YME1L1: variants seen among roughly 807,000 people sequenced by gnomAD.
YME1L1 encodes the protein YME1 like 1 ATPase, also known as ATP-dependent zinc metalloprotease YME1L1.
In YME1L1, 39 loss-of-function variants were observed where a neutral mutation model predicts 90.4. The observed-to-expected ratio is 0.43, with a 90% CI of 0.33 to 0.56. The LOEUF is 0.56. Among genes scored for constraint, YME1L1 ranks in the 20% least tolerant of loss-of-function variants. The pLI, the probability that YME1L1 is intolerant of heterozygous loss-of-function variation, is 0.03. For synonymous variants in YME1L1, 284 were observed against 287.3 expected, an observed-to-expected ratio of 0.99 and a Z score of 0.12; for missense variants, 617 against 868.4, an observed-to-expected ratio of 0.71 and a Z score of 3.64.
In YME1L1 at chr10:27,114,462, C is replaced by T. The variant is rs370926632; in HGVS notation, c.2007+59G>A. 1.2e-4 allele frequency: 163 copies of T among 1,389,780 alleles called. No individual in the cohort carries two copies. The South Asian group carries it at 1.9e-3, about 17-fold the overall frequency. 86.1% of individuals were successfully genotyped at this position (1,389,780 alleles called of 1,614,324 possible). A position where few individuals can be genotyped will look rare whatever the true frequency, so the allele number is the denominator to read the frequency against. The stretch of plus-strand genomic sequence containing the variant: ...GCCTTCAGCTGTTATTTTTTAAGAA[C>T]CTGACTATTTAAGCACATTGTTCCT... On this transcript the variant is annotated intron_variant, in intron 18 of 18. Transcript: ENST00000376016.
intron 8 of YME1L1, among the ~76,000 whole-genome samples, chr10:27,131,347 G>T (rs1481273238): frequency 7.0e-6 from 1 of 143,800 alleles, no homozygotes; most frequent in Non-Finnish European, 1.5e-5. Context: ...CTAAAATAGG[G>T]CCTAGCACTT....
intron 6 of YME1L1, 78 bp downstream of exon 6, chr10:27,134,753 T>C (rs1393526126): frequency 6.9e-7 from 1 of 1,458,184 alleles, no homozygotes; most frequent in Non-Finnish European, 9.4e-7. Context: ...TTAGAAAAGT[T>C]ACTTAAAACT....
chr10:27,118,048 G>C (rs76594983), intron 14 of YME1L1, among the ~76,000 whole-genome samples: 314 of 152,328 alleles, frequency 2.1e-3, no homozygotes, highest in Non-Finnish European at 3.7e-3. Context: ...GAGCATCCCT[G>C]AATTTTGGTA....
intron 4 of YME1L1, among the ~76,000 whole-genome samples, chr10:27,140,316 TA>T (rs1389028390): frequency 2.0e-5 from 3 of 152,106 alleles, no homozygotes; most frequent in Admixed American, 2.0e-4. Flanking sequence ...GATTTCTCAG[TA>T]AATTATATAA....
chr10:27,136,889 C>T (rs1298369278), intron 4 of YME1L1, among the ~76,000 whole-genome samples: 1 of 151,966 alleles, frequency 6.6e-6, no homozygotes, highest in African/African-American at 2.4e-5. Context: ...TCCCACAGTG[C>T]TGGGATTATA....
chr10:27,126,626 T>C (rs1360644330), intron 9 of YME1L1, 70 bp downstream of exon 9: 6 of 793,106 alleles, frequency 7.6e-6, no homozygotes, highest in South Asian at 2.0e-5. Flanking sequence ...ATAAGTAATA[T>C]AGGTTTTTTT....
chr10:27,112,870 T>G (rs911243571), intron 18 of YME1L1, among the ~76,000 whole-genome samples: 2 of 152,068 alleles, frequency 1.3e-5, no homozygotes, highest in Admixed American at 1.3e-4. Context: ...AGCTAATTTT[T>G]CTATGTTTTG....
chr10:27,120,564 A>G lies in YME1L1; in HGVS notation c.1299-17T>C. The G allele has an allele frequency of 6.3e-7, 1 of 1,586,910 alleles. No homozygotes were observed. The highest frequency in any genetic ancestry group is 8.6e-7 in the Non-Finnish European group (1 of 1,160,564). On this transcript the variant is annotated splice_polypyrimidine_tract_variant and intron_variant, in intron 12 of 18. Transcript: ENST00000376016. The stretch of plus-strand genomic sequence containing the variant: ...ATTAAGGCACTACAGGAAGAATGCA[A>G]AAGGAAAATATAAATTAAAACTATT...
Position 27,117,718 on chromosome 10 carries a change from C to T in YME1L1, c.1577G>A (p.Arg526Lys). The T allele has an allele frequency of 6.2e-7, 1 of 1,613,976 alleles. No homozygotes were observed. The highest frequency in any genetic ancestry group is 8.5e-7 in the Non-Finnish European group (1 of 1,179,928). ...TTTGTTATCAATTTCCACACTTCTTCTTTCAGGCCCTAAGATAAATTTAAT... is the reference window on the plus strand; with the variant it reads ...TTTGTTATCAATTTCCACACTTCTTTTTTCAGGCCCTAAGATAAATTTAAT... The part of the protein sequence containing the change: ...SKDKILMGPE[R>K]RSVEIDNKNK... The change falls in exon 15 of 19, where the codon AGA becomes AAA. Residue 526 changes from arginine (R) to lysine (K), a missense_variant. Transcript: ENST00000376016.
intron 3 of YME1L1, among the ~76,000 whole-genome samples, chr10:27,145,210 C>G (rs1169950648): frequency 6.7e-6 from 1 of 148,294 alleles, no homozygotes; most frequent in Non-Finnish European, 1.5e-5. Flanking sequence ...TGTAAGATGC[C>G]AAAATTAGTG....
intron 8 of YME1L1, among the ~76,000 whole-genome samples, chr10:27,128,538 C>T (rs779530671): frequency 6.6e-6 from 1 of 151,870 alleles, no homozygotes; most frequent in Non-Finnish European, 1.5e-5. Flanking sequence ...GAGTTTGAGA[C>T]CAGCCTGGAC....
intron 1 of YME1L1, among the ~76,000 whole-genome samples, chr10:27,151,133 G>C (rs2135909919): frequency 6.6e-6 from 1 of 152,128 alleles, no homozygotes; most frequent in South Asian, 2.1e-4. Context: ...CACCATGTTA[G>C]CCAGGATCTT....
chr10:27,129,493 G>A (rs1342042605), intron 8 of YME1L1: 1 of 152,160 alleles, frequency 6.6e-6, no homozygotes, highest in Admixed American at 6.5e-5. Flanking sequence ...AAGAAAAGCA[G>A]AAATAATAAC....
At chr10:27,154,063 G>C (rs1387385554) in intron 1 of YME1L1, 115 bp downstream of exon 1, 1 of 1,348,904 alleles carries the variant, frequency 7.4e-7, no homozygotes, top group African/African-American at 1.4e-5. Context: ...GATTCGCATT[G>C]AGTACATCAC....
rs372685889 is a variant in YME1L1 at position 27,124,491 on chromosome 10, ACTT to A, written c.950-795_950-793del. Among the ~76,000 whole-genome samples, 4 of 152,296 alleles carry A rather than the reference ACTT, an allele frequency of 2.6e-5. No homozygotes were observed. The East Asian group carries it at 7.7e-4, about 29-fold the overall frequency. The stretch of plus-strand genomic sequence containing the variant: ...CATATTACATTTAAAAAGCAACAAA[ACTT>A]CTTTACATACATGTTTGCTGCATTT... On this transcript the variant is annotated intron_variant, in intron 9 of 18. Transcript: ENST00000376016.
intron 8 of YME1L1, among the ~76,000 whole-genome samples, chr10:27,129,085 CAAAAAAAAAAAA>C (rs71523559): frequency 1.2e-4 from 6 of 48,508 alleles, no homozygotes; most frequent in Admixed American, 3.8e-4. Flanking sequence ...GACCCTGTCT[CAAAAAAAAAAAA>C]AAAAAAAAAA....
rs200315310 is a variant in YME1L1, at chr10:27,123,726, T to C, written c.950-27A>G. On this transcript the variant is annotated intron_variant, in intron 9 of 18. Transcript: ENST00000376016. ...TAAAAGAAAATGAAAACGAGAATGA[T>C]TCAAAGTATTTTTAAAAAATCCCTC... 10 of 1,553,592 alleles carry C rather than the reference T, an allele frequency of 6.4e-6. No homozygotes were observed. In the East Asian group the frequency reaches 1.8e-4, roughly 28 times the overall value.
At chr10:27,127,708 AGGTTAGT>A in intron 8 of YME1L1, among the ~76,000 whole-genome samples, 1 of 152,340 alleles carries the variant, frequency 6.6e-6, no homozygotes, top group Non-Finnish European at 1.5e-5. Flanking sequence ...AATTGTCCCT[AGGTTAGT>A]AACCAGAAGG....
Position 27,145,500 on chromosome 10 carries a change from T to C in YME1L1, c.259A>G (p.Lys87Glu). Residue 87 changes from lysine (K) to glutamate (E), a missense_variant, in exon 3 of 19, where the codon AAA (lysine) becomes GAA (glutamate). Transcript: ENST00000376016. The part of the protein sequence containing the change: ...LVENLLPGFC[K>E]GKNISSHWHT... ...CAATGGGAAGAAATGTTTTTGCCTT[T>C]ACAAAATCCAGGAAGTAGATTTTCT... 1.2e-6 allele frequency: 2 copies of C among 1,613,680 alleles called. No individual in the cohort carries two copies. Among genetic ancestry groups the C allele is most frequent in the Non-Finnish European group, 1.7e-6 (2 of 1,179,730 alleles).
Sources: gnomAD v4.1 joint callset for allele counts (sites outside exome capture counted in the v4.1 genomes callset) on GRCh38, gnomAD v4.1.1 for gene constraint, MANE v1.5 for transcripts, NCBI Gene and HGNC (gene_info 2026-07-23, HGNC 2026-07-21) for gene names.